The following PPCDC variants were observed in gnomAD, a reference collection of about 807,000 sequenced individuals.
PPCDC encodes the protein phosphopantothenoylcysteine decarboxylase.
In PPCDC, 20 loss-of-function variants were observed where a neutral mutation model predicts 20.7. The observed-to-expected ratio is 0.97, with a 90% CI of 0.68 to 1.41. PPCDC has a LOEUF of 1.41. PPCDC is among the 40% of genes most tolerant of loss of function. The pLI is 0.00. For synonymous variants in PPCDC, 88 were observed against 100.3 expected (o/e 0.88, Z 0.73); for missense variants, 246 against 263.8 (o/e 0.93, Z 0.47).
rs2066273931 is a variant in PPCDC, at chr15:75,048,719, A to C, written c.527A>C (p.Glu176Ala). The C allele has an allele frequency of 6.2e-7, 1 of 1,613,894 alleles. No homozygotes were observed. Among genetic ancestry groups the C allele is most frequent in the African/African-American group, 1.3e-5 (1 of 75,060 alleles). ...GCCAAGAAGCTGGTGTGCGGAGATG[A>C]AGGTGGGTGTCTTGCCAGGCTTATA... is the stretch of plus-strand genomic sequence containing the variant. Reference protein sequence around the residue: ...CVAKKLVCGDEGLGAMAEVGT... With the variant: ...CVAKKLVCGDAGLGAMAEVGT... Residue 176 changes from glutamate (E) to alanine (A), a missense_variant and splice_region_variant, in exon 5 of 6, where the codon GAA becomes GCA. This residue lies in a region of PPCDC where 21 missense variants were observed against 41.2 expected (regional missense o/e 0.51). Transcript: ENST00000342932.
intron 2 of PPCDC, 119 bp downstream of exon 2, chr15:75,028,572 C>A: frequency 1.4e-6 from 2 of 1,394,220 alleles, no homozygotes; most frequent in Non-Finnish European, 2.0e-6. Flanking sequence ...GTTAATCATG[C>A]TTGTGGAGGT....
At chr15:75,025,709 C>T (rs1389392410) in intron 1 of PPCDC, among the ~76,000 whole-genome samples, 13 of 152,060 alleles carry the variant, frequency 8.5e-5, no homozygotes, top group Admixed American at 1.3e-4. Context: ...CAGCAGAGCC[C>T]GGGGAAGTCA....
chr15:75,044,456 C>T lies in PPCDC; in HGVS notation c.302C>T (p.Ala101Val). The change falls in exon 4 of 6, where the codon GCT (alanine) becomes GTT (valine). Residue 101 changes from alanine (A) to valine (V), a missense_variant. By Grantham distance (64) the Ala-to-Val change is moderately conservative. This residue lies in a region of PPCDC where 225 missense variants were observed against 222.6 expected (regional missense o/e 1.01). Coordinates refer to ENST00000342932, the MANE Select transcript of PPCDC (RefSeq NM_021823.5). ...LRRWADLLLV[A>V]PLDANTLGKV... is the part of the protein sequence containing the mutation. The stretch of plus-strand genomic sequence containing the variant: ...AGGTGGGCAGACCTCCTGCTGGTGG[C>T]TCCTCTTGATGCCAACACTCTGGGG... 6.2e-7 allele frequency: 1 copy of T among 1,614,200 alleles called. No homozygotes were observed. The highest frequency in any genetic ancestry group is 8.5e-7 in the Non-Finnish European group (1 of 1,180,020).
At position 75,028,279 on chromosome 15, in the gene PPCDC, G is replaced by A; in HGVS notation, c.-40G>A. On this transcript the variant is annotated 5_prime_UTR_variant, in exon 2 of 6. Transcript: ENST00000342932. Reference sequence around the variant, plus strand: ...ATCCCGACAGCTTTATAGAGCCCAGGCCTGGCAGGCTCCCAGAACTTGAAG... The same window carrying A: ...ATCCCGACAGCTTTATAGAGCCCAGACCTGGCAGGCTCCCAGAACTTGAAG... The A allele has an allele frequency of 6.2e-7, 1 of 1,609,528 alleles. No individual in the cohort carries two copies. Among genetic ancestry groups the A allele is most frequent in the Non-Finnish European group, 8.5e-7 (1 of 1,178,666 alleles).
In PPCDC at chr15:75,048,633, G is replaced by A. The variant is rs781285392; in HGVS notation, c.441G>A (p.Pro147=). The part of the protein sequence containing the change: ...PAMNTAMWEH[P]ITAQQVDQLK... ...TGAACACCGCCATGTGGGAGCACCCGATCACAGCGCAGCAGGTAGACCAGC... is the reference window on the plus strand; with the variant it reads ...TGAACACCGCCATGTGGGAGCACCCAATCACAGCGCAGCAGGTAGACCAGC... The change falls in exon 5 of 6, where the codon CCG becomes CCA. Residue 147 remains proline (P), a synonymous_variant. Transcript: ENST00000342932. The A allele has an allele frequency of 2.1e-5, 34 of 1,614,116 alleles. No individual in the cohort carries two copies. Among genetic ancestry groups the A allele is most frequent in the African/African-American group, 2.7e-5 (2 of 74,936 alleles).
At position 75,027,628 on chromosome 15, in the gene PPCDC, A is replaced by G. The variant is rs2065973235; in HGVS notation, c.-72-619A>G. ...TTCCTGCCGCTTCCTTTCACCAGTC[A>G]GCCCAGTCCACCGCAGCAGCTCCTC... On this transcript the variant is annotated intron_variant, in intron 1 of 5. Coordinates refer to ENST00000342932, the MANE Select transcript of PPCDC (RefSeq NM_021823.5). Among the ~76,000 whole-genome samples the G allele has an allele frequency of 2.6e-5, 4 of 152,084 alleles. No homozygotes were observed. In the South Asian group the frequency reaches 8.3e-4, roughly 32 times the overall value.
At chr15:75,028,650 A>G (rs984589585) in intron 2 of PPCDC, among the ~76,000 whole-genome samples, 197 bp downstream of exon 2, 3 of 152,166 alleles carry the variant, frequency 2.0e-5, no homozygotes, top group African/African-American at 7.2e-5. Flanking sequence ...ACCAGGGGCT[A>G]GATTAGATAG....
Position 75,032,736 on chromosome 15 carries a change from A to AC in PPCDC, c.135+4283_135+4284insC, listed in dbSNP as rs58585695. ...GCTAGCAAACTGGACCCCCCCCCCCAAGGCCAAATTCGGCTCTGCCTGTTT... is the reference window on the plus strand; with the variant it reads ...GCTAGCAAACTGGACCCCCCCCCCCACAGGCCAAATTCGGCTCTGCCTGTTT... On this transcript the variant is annotated intron_variant, in intron 2 of 5. Transcript: ENST00000342932. 7.8e-4 allele frequency among the ~76,000 whole-genome samples: 95 copies of AC among 122,242 alleles called. 9 individuals are homozygous for AC. The highest frequency in any genetic ancestry group is 1.7e-3 in the South Asian group (6 of 3,614). 80.2% of individuals were successfully genotyped at this position (122,242 alleles called of 152,430 possible).
chr15:75,030,715 G>C (rs2066010733), intron 2 of PPCDC, among the ~76,000 whole-genome samples: 1 of 152,104 alleles, frequency 6.6e-6, no homozygotes, highest in Non-Finnish European at 1.5e-5. Flanking sequence ...GCTGAGTCGT[G>C]GGTTCAGGTG....
rs181120140 is a variant in PPCDC at position 75,043,088 on chromosome 15, C to T, written c.136-353C>T. ...CCCCTCCTGCCTGCTGTGGCCTCTG[C>T]GGCCCTGGCCTTGACTTCCTTTCCT... is the stretch of plus-strand genomic sequence containing the variant. On this transcript the variant is annotated intron_variant, in intron 2 of 5. Coordinates refer to ENST00000342932, the MANE Select transcript of PPCDC (RefSeq NM_021823.5). 3.2e-3 allele frequency among the ~76,000 whole-genome samples: 493 copies of T among 152,366 alleles called. 7 individuals are homozygous for T. Among genetic ancestry groups the T allele is most frequent in the Non-Finnish European group, 2.2e-3 (151 of 68,028 alleles).
chr15:75,028,955 G>A (rs1473907264), intron 2 of PPCDC, among the ~76,000 whole-genome samples: 1 of 152,124 alleles, frequency 6.6e-6, no homozygotes, highest in Non-Finnish European at 1.5e-5. Flanking sequence ...GCTCCTTCAG[G>A]TGTTCAGAGC....
chr15:75,040,279 C>T (rs865823747), intron 2 of PPCDC, among the ~76,000 whole-genome samples: 6 of 151,700 alleles, frequency 4.0e-5, no homozygotes, highest in South Asian at 2.1e-4. Flanking sequence ...GGTTTCACCA[C>T]GTTGCCCAGG....
chr15:75,038,929 G>A (rs189793265), intron 2 of PPCDC, among the ~76,000 whole-genome samples: 62 of 151,306 alleles, frequency 4.1e-4, no homozygotes, highest in Non-Finnish European at 6.8e-4. Flanking sequence ...TTATTTCACT[G>A]TTTATAATGT....
Position 75,049,378 on chromosome 15 carries a change from G to C in PPCDC, c.*143G>C, listed in dbSNP as rs1430809698. 1.3e-6 allele frequency: 1 copy of C among 758,554 alleles called. No homozygotes were observed. The highest frequency in any genetic ancestry group is 1.8e-5 in the African/African-American group (1 of 57,042). 47.0% of individuals were successfully genotyped at this position (758,554 alleles called of 1,614,324 possible). The stretch of plus-strand genomic sequence containing the variant: ...CTGAGCCTGCCCAGGGGCCAGGCCT[G>C]CTCCAGGTTAAACTGGACGGAAGGC... On this transcript the variant is annotated 3_prime_UTR_variant, in exon 6 of 6. Transcript: ENST00000342932.
chr15:75,048,767 C>T, intron 5 of PPCDC, 46 bp downstream of exon 5: 1 of 1,595,980 alleles, frequency 6.3e-7, no homozygotes, highest in Non-Finnish European at 8.6e-7. Flanking sequence ...AGAAGGGGCT[C>T]AGCTTTGGGG....
rs1555413311 is a variant in PPCDC, at chr15:75,032,730, C to CCCCG, written c.135+4280_135+4281insGCCC. On this transcript the variant is annotated intron_variant, in intron 2 of 5. Coordinates refer to ENST00000342932, the MANE Select transcript of PPCDC (RefSeq NM_021823.5). ...GTAGGAGCTAGCAAACTGGACCCCC[C>CCCCG]CCCCCAAGGCCAAATTCGGCTCTGC... Among the ~76,000 whole-genome samples, 25 of 128,790 alleles carry CCCCG rather than the reference C, an allele frequency of 1.9e-4. 3 individuals carry two copies. The highest frequency in any genetic ancestry group is 4.0e-4 in the Non-Finnish European group (25 of 62,026). The allele number at this position is 128,790 out of a possible 152,430, so 84.5% of individuals were successfully genotyped here.
intron 4 of PPCDC, 110 bp downstream of exon 4, chr15:75,044,624 C>T (rs2066204837): frequency 3.5e-6 from 5 of 1,414,778 alleles, no homozygotes; most frequent in Non-Finnish European, 3.8e-6. Flanking sequence ...CCGGTCTGCC[C>T]AGGGAGATCG....
In PPCDC at chr15:75,049,893, A is replaced by C. The variant is rs1336817418; in HGVS notation, c.*658A>C. The C allele has an allele frequency of 6.6e-6, 1 of 152,254 alleles. No homozygotes were observed. Among genetic ancestry groups the C allele is most frequent in the African/African-American group, 2.4e-5 (1 of 41,438 alleles). The allele number at this position is 152,254 out of a possible 1,614,324, so 9.4% of individuals were successfully genotyped here. On this transcript the variant is annotated 3_prime_UTR_variant, in exon 6 of 6. Transcript: ENST00000342932. ...TGGTTAAGGATAAAGATCTGAAGCC[A>C]GACAGCCCCTAGTTCCAATCCCAGC...
intron 4 of PPCDC, among the ~76,000 whole-genome samples, chr15:75,046,445 C>T (rs929593967): frequency 5.9e-5 from 9 of 152,234 alleles, no homozygotes; most frequent in Non-Finnish European, 1.0e-4. Flanking sequence ...TCTGCAAGGG[C>T]GCTTTCCTTC....
Sources: allele counts gnomAD v4.1 joint callset (sites outside exome capture counted in the v4.1 genomes callset), GRCh38; gene constraint gnomAD v4.1.1; regional missense constraint gnomAD v4.1.1; transcripts MANE v1.5; gene names NCBI Gene and HGNC (gene_info 2026-07-23, HGNC 2026-07-21).